Variants in TENM3 observed in about 807,000 individuals in gnomAD.
The protein encoded by TENM3 is teneurin-3.
Under a neutral mutation model 255.1 loss-of-function variants are expected in TENM3, and 63 were observed. The observed-to-expected ratio is 0.25, with a 90% CI of 0.20 to 0.30. The LOEUF (loss-of-function observed/expected upper bound fraction) is 0.30, where lower values mean the gene tolerates loss of function less well. Among genes scored for constraint, TENM3 ranks in the 10% least tolerant of loss-of-function variants. The pLI is 1.00. For synonymous variants in TENM3, 1,306 were observed against 1,322.3 expected (o/e 0.99, Z 0.27); for missense variants, 2,929 against 3,461.1 (o/e 0.85, Z 3.86).
chr4:182,554,566 A>ATG (rs144765082), intron 3 of TENM3, among the ~76,000 whole-genome samples: 3 of 151,358 alleles, frequency 2.0e-5, no homozygotes, highest in Non-Finnish European at 4.4e-5. Flanking sequence ...GTGTGCACGT[A>ATG]TGTGTGTGTG....
At position 182,743,411 on chromosome 4, in the gene TENM3, A is replaced by G. The variant is rs774126103; in HGVS notation, c.3621A>G (p.Leu1207=). The stretch of plus-strand genomic sequence containing the variant: ...CTTCTGGAAATGTAACAAGTGTCTT[A>G]GAACTAAGGTACGTCTTTCCTAAAT... The part of the protein sequence containing the change: ...IFPSGNVTSV[L]ELSSNPAHRY... The change falls in exon 19 of 28, where the codon TTA becomes TTG. Residue 1207 remains leucine (L), a synonymous_variant. Coordinates refer to ENST00000511685, the MANE Select transcript of TENM3 (RefSeq NM_001080477.4). 6.2e-7 allele frequency: 1 copy of G among 1,613,528 alleles called. No individual in the cohort carries two copies. Among genetic ancestry groups the G allele is most frequent in the Non-Finnish European group, 8.5e-7 (1 of 1,179,452 alleles).
chr4:181,641,030 G>T, the TENM3 span, among the ~76,000 whole-genome samples: 2 of 152,114 alleles, frequency 1.3e-5, no homozygotes, highest in Admixed American at 1.3e-4. Context: ...AATCACACAA[G>T]GGACTATTTT....
rs1261700660 is a variant in TENM3 at position 182,346,904 on chromosome 4, C to T, written c.486C>T (p.His162=). ...CCCTCACCCTGACAGATACGGAGCACGAAAACAAGTCCGACAGTGAGAATG... is the reference window on the plus strand; with the variant it reads ...CCCTCACCCTGACAGATACGGAGCATGAAAACAAGTCCGACAGTGAGAATG... ...NSALTLTDTE[H]ENKSDSENEQ... The change falls in exon 3 of 28, where the codon CAC becomes CAT. Residue 162 remains histidine (H), a synonymous_variant. Coordinates refer to ENST00000511685, the MANE Select transcript of TENM3 (RefSeq NM_001080477.4). The T allele has an allele frequency of 6.2e-7, 1 of 1,609,548 alleles. No individual in the cohort carries two copies.
At chr4:182,578,057 A>C (rs980951406) in intron 3 of TENM3, among the ~76,000 whole-genome samples, 20 of 151,708 alleles carry the variant, frequency 1.3e-4, no homozygotes, top group Admixed American at 1.1e-3. Context: ...ACTCACTGCA[A>C]GCTCCACCTC....
At chr4:181,525,844 C>T in the TENM3 span, among the ~76,000 whole-genome samples, 1 of 152,158 alleles carries the variant, frequency 6.6e-6, no homozygotes, top group African/African-American at 2.4e-5. Context: ...ACTTTGCACG[C>T]GCTACTTCTC....
the TENM3 span, among the ~76,000 whole-genome samples, chr4:182,045,772 G>A: frequency 1.3e-5 from 2 of 152,188 alleles, no homozygotes; most frequent in African/African-American, 2.4e-5. Context: ...ACCTAGGCCG[G>A]GCACAGTGGC....
At chr4:182,305,310 G>T (rs1580095567) in intron 1 of TENM3, among the ~76,000 whole-genome samples, 2 of 152,248 alleles carry the variant, frequency 1.3e-5, no homozygotes, top group Middle Eastern at 6.8e-3. Flanking sequence ...TATCAATACT[G>T]TAAGGTGCTG....
chr4:181,649,325 A>C, the TENM3 span, among the ~76,000 whole-genome samples: 17 of 152,368 alleles, frequency 1.1e-4, no homozygotes, highest in Admixed American at 5.9e-4. Flanking sequence ...TCACCCGTCC[A>C]TCAATACCGG....
At chr4:182,731,697 GTGTGTGTGTGT>G (rs1760736191) in intron 16 of TENM3, among the ~76,000 whole-genome samples, 22 of 76,534 alleles carry the variant, frequency 2.9e-4, no homozygotes, top group Non-Finnish European at 3.9e-4. Context: ...GTGTTGGGGT[GTGTGTGTGTGT>G]GTGTGTGTGT....
the TENM3 span, among the ~76,000 whole-genome samples, chr4:182,009,842 G>A: frequency 2.6e-5 from 4 of 152,304 alleles, no homozygotes; most frequent in South Asian, 2.1e-4. Flanking sequence ...GCCTGGGTTC[G>A]CGAGTAGGAT....
the TENM3 span, among the ~76,000 whole-genome samples, chr4:181,888,588 A>ATGTGTG: frequency 1.2e-3 from 20 of 16,004 alleles, no homozygotes; most frequent in Admixed American, 3.1e-3. Context: ...ACATATATAT[A>ATGTGTG]TGCGTGTGTG....
At chr4:181,676,923 T>C in the TENM3 span, among the ~76,000 whole-genome samples, 4 of 151,996 alleles carry the variant, frequency 2.6e-5, no homozygotes, top group Admixed American at 2.6e-4. Context: ...TTATTAACCA[T>C]TTCTTTCTTC....
At chr4:181,634,461 CT>C in the TENM3 span, among the ~76,000 whole-genome samples, 7 of 146,014 alleles carry the variant, frequency 4.8e-5, no homozygotes, top group African/African-American at 1.5e-4. Context: ...GTGTGAAACA[CT>C]TTTTTTTCAC....
chr4:181,824,283 T>C, the TENM3 span, among the ~76,000 whole-genome samples: 1 of 136,568 alleles, frequency 7.3e-6, no homozygotes, highest in African/African-American at 2.8e-5. Context: ...TTTTTTTTTT[T>C]AAGAGATGGG....
At chr4:182,100,472 C>T in the TENM3 span, among the ~76,000 whole-genome samples, 1 of 143,614 alleles carries the variant, frequency 7.0e-6, no homozygotes, top group Admixed American at 7.2e-5. Context: ...TATATACACA[C>T]ACACACACAC....
chr4:182,709,790 A>G (rs529502188), intron 12 of TENM3, among the ~76,000 whole-genome samples: 146 of 152,294 alleles, frequency 9.6e-4, no homozygotes, highest in African/African-American at 3.0e-3. Context: ...TAAAATGCAA[A>G]TGAAGAATCG....
At chr4:182,273,663 A>G (rs1247870375) in intron 1 of TENM3, among the ~76,000 whole-genome samples, 5 of 152,216 alleles carry the variant, frequency 3.3e-5, no homozygotes, top group South Asian at 2.1e-4. Flanking sequence ...GTGCAAAACA[A>G]TTAAAGAAAA....
At chr4:182,343,782 C>T (rs1291034300) in intron 2 of TENM3, among the ~76,000 whole-genome samples, 2 of 152,048 alleles carry the variant, frequency 1.3e-5, no homozygotes, top group African/African-American at 2.4e-5. Flanking sequence ...AAGAAATAAT[C>T]GAATAGACTA....
chr4:182,775,313 G>T (rs955984453), intron 24 of TENM3, among the ~76,000 whole-genome samples, 160 bp downstream of exon 24: 1 of 152,160 alleles, frequency 6.6e-6, no homozygotes, highest in Non-Finnish European at 1.5e-5. Context: ...GTTCTGGCAG[G>T]TGCAGCTGGG....
Sources: gnomAD v4.1 joint callset for allele counts (sites outside exome capture counted in the v4.1 genomes callset) on GRCh38, gnomAD v4.1.1 for gene constraint, MANE v1.5 for transcripts, NCBI Gene and HGNC (gene_info 2026-07-23, HGNC 2026-07-21) for gene names.